The following SSBP3 variants were observed in gnomAD, a reference collection of about 807,000 sequenced individuals.
The protein encoded by SSBP3 is single-stranded DNA-binding protein 3.
A neutral mutation model predicts 69.6 loss-of-function variants in SSBP3; 5 were observed. The observed-to-expected ratio is 0.07, with a 90% CI of 0.04 to 0.15. SSBP3 has a LOEUF of 0.15. Among genes scored for constraint, SSBP3 ranks in the 10% least tolerant of loss-of-function variants. SSBP3 has a pLI of 1.00. For missense variants in SSBP3, 312 were observed against 534.0 expected (o/e 0.58, Z 4.10); for synonymous variants, 196 against 193.4 (o/e 1.01, Z -0.11).
intron 9 of SSBP3, among the ~76,000 whole-genome samples, chr1:54,243,723 G>A (rs1044444962): frequency 4.6e-4 from 70 of 152,174 alleles, no homozygotes; most frequent in African/African-American, 1.7e-3. Context: ...CAATGTGGAT[G>A]GGAGCAGGCA....
chr1:54,277,928 G>A (rs1038464386), intron 5 of SSBP3, among the ~76,000 whole-genome samples: 10 of 151,582 alleles, frequency 6.6e-5, no homozygotes, highest in African/African-American at 1.9e-4. Context: ...GCTAAGCTGC[G>A]TGGAAAAAAA....
chr1:54,293,579 C>T (rs575969257), intron 4 of SSBP3, among the ~76,000 whole-genome samples: 1 of 152,332 alleles, frequency 6.6e-6, no homozygotes, highest in South Asian at 2.1e-4. Context: ...TTCTTTCACA[C>T]ATATTTCCTT....
chr1:54,242,078 T>G, intron 11 of SSBP3, 86 bp downstream of exon 11: 5 of 1,481,892 alleles, frequency 3.4e-6, no homozygotes, highest in Non-Finnish European at 4.7e-6. Context: ...CCACTTCCCG[T>G]GACACCTACA....
chr1:54,228,378 T>G (rs1463983174), intron 16 of SSBP3, 22 bp from the exon 17 acceptor site: 3 of 1,600,992 alleles, frequency 1.9e-6, no homozygotes, highest in Non-Finnish European at 1.7e-6. Context: ...GGAGAGGAGG[T>G]GAGCACCTGT....
At chr1:54,333,569 A>G (rs1182278302) in intron 4 of SSBP3, among the ~76,000 whole-genome samples, 1 of 152,154 alleles carries the variant, frequency 6.6e-6, no homozygotes, top group Non-Finnish European at 1.5e-5. Context: ...CCGTTTCTAC[A>G]TAACAAAACC....
At chr1:54,331,104 G>T (rs147095665) in intron 4 of SSBP3, among the ~76,000 whole-genome samples, 3 of 152,322 alleles carry the variant, frequency 2.0e-5, no homozygotes, top group Non-Finnish European at 2.9e-5. Context: ...GTTTATACAT[G>T]TGTATGCCAC....
At chr1:54,400,819 C>T (rs1401473283) in intron 4 of SSBP3, among the ~76,000 whole-genome samples, 1 of 152,188 alleles carries the variant, frequency 6.6e-6, no homozygotes, top group East Asian at 1.9e-4. Flanking sequence ...TGGGTCTGGT[C>T]TCTTAGCCAA....
chr1:54,243,086 G>T, intron 10 of SSBP3, 149 bp downstream of exon 10: 1 of 767,272 alleles, frequency 1.3e-6, no homozygotes, highest in Non-Finnish European at 2.3e-6. Flanking sequence ...TCATCACCAG[G>T]ATCATCAATA....
At chr1:54,282,177 A>G (rs571919118) in intron 4 of SSBP3, among the ~76,000 whole-genome samples, 7 of 152,320 alleles carry the variant, frequency 4.6e-5, no homozygotes, top group South Asian at 4.1e-4. Context: ...TGCATGGCCA[A>G]TGTGCTGCTC....
rs550648525 is a variant in SSBP3 at position 54,315,402 on chromosome 1, T to G, written c.277-33875A>C. Among the ~76,000 whole-genome samples the G allele has an allele frequency of 9.2e-5, 14 of 152,196 alleles. No individual in the cohort carries two copies. The South Asian group carries it at 2.9e-3, about 32-fold the overall frequency. On this transcript the variant is annotated intron_variant, in intron 4 of 17. Transcript: ENST00000610401. Reference sequence around the variant, plus strand: ...ACTCACCACACACCACTTGGTACTATGAGAAGCACACAGCAGATGGACTTG... The same window carrying G: ...ACTCACCACACACCACTTGGTACTAGGAGAAGCACACAGCAGATGGACTTG...
chr1:54,400,417 A>G (rs1326528777), intron 4 of SSBP3, among the ~76,000 whole-genome samples: 2 of 152,200 alleles, frequency 1.3e-5, no homozygotes, highest in East Asian at 1.9e-4. Flanking sequence ...AAATTCATCA[A>G]CTATTTTTAT....
intron 12 of SSBP3, 32 bp from the exon 13 acceptor site, chr1:54,240,991 C>A: frequency 6.3e-7 from 1 of 1,589,982 alleles, no homozygotes; most frequent in Non-Finnish European, 8.6e-7. Context: ...CATCAGACAC[C>A]CACGGTGGTA....
chr1:54,343,919 C>T (rs918692842), intron 4 of SSBP3, among the ~76,000 whole-genome samples: 4 of 152,116 alleles, frequency 2.6e-5, no homozygotes, highest in East Asian at 1.9e-4. Context: ...ACACAGGTTC[C>T]GGAATTTTAG....
At chr1:54,277,992 A>G (rs891234767) in intron 5 of SSBP3, among the ~76,000 whole-genome samples, 1 of 152,186 alleles carries the variant, frequency 6.6e-6, no homozygotes, top group South Asian at 2.1e-4. Flanking sequence ...CAGAAAATCA[A>G]AGTTGGAAGG....
At chr1:54,273,353 C>T (rs557008953) in intron 5 of SSBP3, among the ~76,000 whole-genome samples, 33 of 152,162 alleles carry the variant, frequency 2.2e-4, no homozygotes, top group Admixed American at 4.6e-4. Flanking sequence ...CAGGCACGCA[C>T]ACAAGTCAGG....
chr1:54,371,036 G>A (rs567950467), intron 4 of SSBP3, among the ~76,000 whole-genome samples: 5 of 152,112 alleles, frequency 3.3e-5, no homozygotes, highest in Non-Finnish European at 7.4e-5. Context: ...CTCCAGTGGC[G>A]GCTGGATGGG....
At chr1:54,359,804 C>CG (rs1359890264) in intron 4 of SSBP3, among the ~76,000 whole-genome samples, 2 of 152,054 alleles carry the variant, frequency 1.3e-5, no homozygotes, top group Admixed American at 1.3e-4. Context: ...CAGGAGGGTG[C>CG]GATGCCATCT....
At chr1:54,402,004 G>C in intron 3 of SSBP3, 59 bp from the exon 4 acceptor site, 2 of 1,448,596 alleles carry the variant, frequency 1.4e-6, no homozygotes, top group East Asian at 2.3e-5. Flanking sequence ...GTACACAAGG[G>C]CAAGTGCACG....
intron 4 of SSBP3, among the ~76,000 whole-genome samples, chr1:54,387,475 A>G (rs1362599468): frequency 6.6e-6 from 1 of 152,226 alleles, no homozygotes; most frequent in Non-Finnish European, 1.5e-5. Context: ...TTTTCTTCAA[A>G]AAAACATCAT....
Sources: gnomAD v4.1 joint callset for allele counts (sites outside exome capture counted in the v4.1 genomes callset) on GRCh38, gnomAD v4.1.1 for gene constraint, MANE v1.5 for transcripts, NCBI Gene and HGNC (gene_info 2026-07-23, HGNC 2026-07-21) for gene names.